The following ACVR1 variants were observed in gnomAD, a reference collection of about 807,000 sequenced individuals.
ACVR1 encodes activin A receptor type 1.
In ACVR1, 38 loss-of-function variants were observed where a neutral mutation model predicts 57.1. The observed-to-expected ratio is 0.67, with a 90% CI of 0.51 to 0.87. The LOEUF (loss-of-function observed/expected upper bound fraction) is 0.87. Ranked by LOEUF, ACVR1 falls within the 40% of genes least tolerant of loss-of-function variation. ACVR1 has a pLI of 0.00. For missense variants in ACVR1, 463 were observed against 638.2 expected (o/e 0.73, Z 2.96); for synonymous variants, 212 against 228.1 (o/e 0.93, Z 0.63).
chr2:157,851,895 A>T (rs1481576160), intron 1 of ACVR1, among the ~76,000 whole-genome samples: 2 of 3,414 alleles, frequency 5.9e-4, no homozygotes, highest in African/African-American at 9.0e-4. Flanking sequence ...ACACACACAC[A>T]CACACACACA....
chr2:157,768,105 T>G (rs1685936852), intron 7 of ACVR1, among the ~76,000 whole-genome samples: 1 of 152,208 alleles, frequency 6.6e-6, no homozygotes, highest in South Asian at 2.1e-4. Flanking sequence ...ATGGGACATA[T>G]GCAAAGCAAA....
chr2:157,738,408 G>A (rs903745092), intron 10 of ACVR1, 32 bp downstream of exon 10: 2 of 1,613,808 alleles, frequency 1.2e-6, no homozygotes, highest in Non-Finnish European at 1.7e-6. Flanking sequence ...CAATGGAAAA[G>A]AGCTCTAAAA....
At chr2:157,825,454 G>C (rs558957985) in intron 1 of ACVR1, among the ~76,000 whole-genome samples, 4 of 152,136 alleles carry the variant, frequency 2.6e-5, no homozygotes, top group African/African-American at 9.7e-5. Flanking sequence ...TCCATGGCCT[G>C]TTAGGAACCC....
chr2:157,773,272 T>C (rs375309823), intron 6 of ACVR1, among the ~76,000 whole-genome samples: 2 of 152,214 alleles, frequency 1.3e-5, no homozygotes, highest in Admixed American at 6.5e-5. Flanking sequence ...TTGTACCATC[T>C]TCCAAGAGAG....
intron 1 of ACVR1, among the ~76,000 whole-genome samples, chr2:157,824,988 T>C (rs1275658698): frequency 6.6e-6 from 1 of 152,154 alleles, no homozygotes; most frequent in African/African-American, 2.4e-5. Context: ...TCAAGTGATC[T>C]GCCCACCTCA....
chr2:157,754,390 T>C (rs1574022126), intron 9 of ACVR1, among the ~76,000 whole-genome samples: 2 of 152,052 alleles, frequency 1.3e-5, no homozygotes, highest in East Asian at 3.9e-4. Flanking sequence ...AGAGAGAAGA[T>C]CTAAATAAGC....
At chr2:157,833,831 G>A (rs570087144) in intron 1 of ACVR1, among the ~76,000 whole-genome samples, 1 of 152,224 alleles carries the variant, frequency 6.6e-6, no homozygotes, top group East Asian at 1.9e-4. Flanking sequence ...GTTAAGTATT[G>A]GTGGAGGTAA....
chr2:157,855,269 AGTGTGTGTGTGTGTGTGT>A (rs532193935), intron 1 of ACVR1, among the ~76,000 whole-genome samples: 40 of 85,184 alleles, frequency 4.7e-4, no homozygotes, highest in African/African-American at 1.7e-3. Flanking sequence ...AAAAAAAAAA[AGTGTGTGTGTGTGTGTGT>A]GTGTGTGTGT....
intron 1 of ACVR1, among the ~76,000 whole-genome samples, chr2:157,858,954 T>G (rs1020581640): frequency 6.6e-6 from 1 of 152,188 alleles, no homozygotes; most frequent in Admixed American, 6.5e-5. Flanking sequence ...ACAGCTCTAC[T>G]TGGACATCCC....
At chr2:157,770,577 A>G in intron 6 of ACVR1, 63 bp from the exon 7 acceptor site, 8 of 1,539,448 alleles carry the variant, frequency 5.2e-6, no homozygotes, top group Non-Finnish European at 7.2e-6. Context: ...CCAGCCCATC[A>G]TTAAGAATAA....
chr2:157,757,303 G>A (rs1035769621), intron 9 of ACVR1, among the ~76,000 whole-genome samples: 2 of 151,444 alleles, frequency 1.3e-5, no homozygotes, highest in African/African-American at 4.8e-5. Context: ...AAATAAATGG[G>A]CAAAGGCATA....
At chr2:157,810,433 C>T (rs1203256862) in intron 2 of ACVR1, among the ~76,000 whole-genome samples, 1 of 152,056 alleles carries the variant, frequency 6.6e-6, no homozygotes, top group Non-Finnish European at 1.5e-5. Flanking sequence ...CAAGGATGGG[C>T]CAGAAAGGCC....
At chr2:157,816,418 C>CAA (rs1392602642) in intron 2 of ACVR1, among the ~76,000 whole-genome samples, 1 of 118,632 alleles carries the variant, frequency 8.4e-6, no homozygotes, top group Non-Finnish European at 1.8e-5. Flanking sequence ...ACTCTGTCTC[C>CAA]AAAAAAAAAA....
chr2:157,812,927 G>A (rs971453222), intron 2 of ACVR1, among the ~76,000 whole-genome samples: 2 of 152,134 alleles, frequency 1.3e-5, no homozygotes, highest in Non-Finnish European at 2.9e-5. Flanking sequence ...AGAAAGTCTA[G>A]GGTTCAGATC....
rs757125368 is a variant in ACVR1, at chr2:157,760,992, G to A, written c.1152C>T (p.Pro384=). The change falls in exon 9 of 11, where the codon CCC becomes CCT. Residue 384 remains proline, a synonymous_variant. Transcript: ENST00000434821. Reference sequence around the variant, plus strand: ...CCTGGATGGTTTCATCTAGAACTTCGGGGGCCATGTAGCGCTTGGTGCCCA... The same window carrying A: ...CCTGGATGGTTTCATCTAGAACTTCAGGGGCCATGTAGCGCTTGGTGCCCA... ...PRVGTKRYMA[P]EVLDETIQVD... 31 of 1,613,940 alleles carry A rather than the reference G, an allele frequency of 1.9e-5. No individual in the cohort carries two copies. The highest frequency in any genetic ancestry group is 1.7e-5 in the Non-Finnish European group (20 of 1,180,016).
chr2:157,868,040 T>G (rs16842215), intron 1 of ACVR1, among the ~76,000 whole-genome samples: 11,440 of 152,204 alleles, frequency 0.075, 547 homozygotes, highest in African/African-American at 0.13. Context: ...CTTGCTCCTA[T>G]GGTGCTCATC....
At chr2:157,831,268 A>G (rs1688571288) in intron 1 of ACVR1, among the ~76,000 whole-genome samples, 4 of 152,252 alleles carry the variant, frequency 2.6e-5, no homozygotes, top group Admixed American at 6.5e-5. Flanking sequence ...CCAAAGACAA[A>G]TGTTAAAGAA....
chr2:157,816,540 C>T (rs1687943687), intron 2 of ACVR1, among the ~76,000 whole-genome samples: 4 of 151,874 alleles, frequency 2.6e-5, no homozygotes, highest in East Asian at 1.9e-4. Flanking sequence ...GAGGCTGCAG[C>T]GTGCCATGAT....
chr2:157,863,857 G>GGA, intron 1 of ACVR1, among the ~76,000 whole-genome samples: 1 of 151,134 alleles, frequency 6.6e-6, no homozygotes, highest in East Asian at 1.9e-4. Context: ...TAATGTTGCA[G>GGA]GAGCAAATTC....
Sources: allele counts gnomAD v4.1 joint callset (sites outside exome capture counted in the v4.1 genomes callset), GRCh38; gene constraint gnomAD v4.1.1; transcripts MANE v1.5; gene names NCBI Gene and HGNC (gene_info 2026-07-23, HGNC 2026-07-21).